The following CFAP77 variants were observed in gnomAD, a reference collection of about 807,000 sequenced individuals.
The protein encoded by CFAP77 is cilia and flagella associated protein 77, also known as cilia- and flagella-associated protein 77.
Under a neutral mutation model 31.1 loss-of-function variants are expected in CFAP77, and 25 were observed. That is an observed-to-expected ratio of 0.80 (90% CI 0.59 to 1.12). The LOEUF is 1.12. CFAP77 is among the 50% of genes most tolerant of loss of function. CFAP77 has a pLI of 0.00. For synonymous variants in CFAP77, 151 were observed against 159.9 expected, an observed-to-expected ratio of 0.94 and a Z score of 0.42; for missense variants, 377 against 397.3, an observed-to-expected ratio of 0.95 and a Z score of 0.44.
chr9:132,447,589 C>T (rs991217690), intron 1 of CFAP77, among the ~76,000 whole-genome samples: 4 of 152,208 alleles, frequency 2.6e-5, no homozygotes, highest in African/African-American at 9.7e-5. Flanking sequence ...GGAGTGGCTG[C>T]GGTCGGTCCG....
At chr9:132,416,558 G>A (rs545299992) in intron 1 of CFAP77, among the ~76,000 whole-genome samples, 12 of 151,540 alleles carry the variant, frequency 7.9e-5, no homozygotes, top group Admixed American at 5.9e-4. Flanking sequence ...GGTCAGGCTG[G>A]TCTCGAACTC....
At chr9:132,462,778 C>T (rs1851074965) in intron 1 of CFAP77, among the ~76,000 whole-genome samples, 1 of 151,814 alleles carries the variant, frequency 6.6e-6, no homozygotes, top group Non-Finnish European at 1.5e-5. Context: ...GTCGTGCCAC[C>T]GCACTCCAGC....
intron 1 of CFAP77, among the ~76,000 whole-genome samples, chr9:132,422,611 G>A (rs1274570982): frequency 6.6e-6 from 1 of 152,234 alleles, no homozygotes; most frequent in Non-Finnish European, 1.5e-5. Context: ...GAGCTTTGGG[G>A]AAAGAGGGCC....
chr9:132,568,595 G>A (rs1213333480), intron 5 of CFAP77, among the ~76,000 whole-genome samples: 2 of 150,646 alleles, frequency 1.3e-5, no homozygotes, highest in African/African-American at 4.9e-5. Context: ...ATACTATACT[G>A]TGCACTTGAA....
At chr9:132,505,686 T>C (rs1851919678) in intron 3 of CFAP77, among the ~76,000 whole-genome samples, 1 of 152,138 alleles carries the variant, frequency 6.6e-6, no homozygotes, top group African/African-American at 2.4e-5. Context: ...AACAGAAGCC[T>C]GGGCAAGTGG....
At chr9:132,492,397 G>A (rs1168545272) in intron 1 of CFAP77, among the ~76,000 whole-genome samples, 1 of 152,108 alleles carries the variant, frequency 6.6e-6, no homozygotes, top group African/African-American at 2.4e-5. Flanking sequence ...CGTTGTGTGG[G>A]GCGGAGAAGG....
rs1049938190 is a variant in CFAP77, at chr9:132,565,408, T to C, written c.733-6980T>C. Among the ~76,000 whole-genome samples the C allele has an allele frequency of 2.0e-5, 3 of 152,008 alleles. No homozygotes were observed. The highest frequency in any genetic ancestry group is 4.4e-5 in the Non-Finnish European group (3 of 68,002). On this transcript the variant is annotated intron_variant, in intron 5 of 5. Coordinates refer to ENST00000393216, the MANE Select transcript of CFAP77 (RefSeq NM_001282957.2). The surrounding 1 kb of genome is among the most constrained non-coding windows in gnomAD (Gnocchi z 4.1). ...ACTTTGGGAGGCCGAGGTGAGTGGA[T>C]CACCTGAGGTCAGGAGTTCCAGAGC...
chr9:132,530,494 C>T (rs1272000495), intron 3 of CFAP77, among the ~76,000 whole-genome samples: 3 of 152,072 alleles, frequency 2.0e-5, no homozygotes, highest in Admixed American at 6.6e-5. Flanking sequence ...AGGCTGGTCT[C>T]GAACTCCTGA....
intron 1 of CFAP77, among the ~76,000 whole-genome samples, chr9:132,493,381 C>A (rs1201884131): frequency 6.6e-6 from 1 of 152,076 alleles, no homozygotes; most frequent in African/African-American, 2.4e-5. Context: ...CCAGAGAATG[C>A]ATTTGGAAAA....
chr9:132,467,660 G>A (rs1207919767), intron 1 of CFAP77, among the ~76,000 whole-genome samples: 1 of 152,114 alleles, frequency 6.6e-6, no homozygotes, highest in Admixed American at 6.5e-5. Flanking sequence ...TGAACATGAG[G>A]ATGAACATAT....
At chr9:132,429,858 A>G (rs1019068312) in intron 1 of CFAP77, among the ~76,000 whole-genome samples, 18 of 152,214 alleles carry the variant, frequency 1.2e-4, no homozygotes, top group African/African-American at 4.3e-4. Context: ...CTCAAAAAAA[A>G]TAAAACTCTG....
intron 1 of CFAP77, among the ~76,000 whole-genome samples, chr9:132,416,329 A>ATTTTTTTT (rs71503303): frequency 3.3e-5 from 2 of 60,274 alleles, no homozygotes; most frequent in Non-Finnish European, 6.3e-5. Flanking sequence ...TTCTTATCTG[A>ATTTTTTTT]TTTTTTTTTT....
chr9:132,506,484 T>C (rs1423240805), intron 3 of CFAP77, among the ~76,000 whole-genome samples: 1 of 151,932 alleles, frequency 6.6e-6, no homozygotes, highest in South Asian at 2.1e-4. Flanking sequence ...CGGCAGCAGC[T>C]GGCGCTCCTG....
In CFAP77 at chr9:132,554,900, C is replaced by A. The variant is rs1852873804; in HGVS notation, c.732+11853C>A. 6.7e-6 allele frequency among the ~76,000 whole-genome samples: 1 copy of A among 148,670 alleles called. No individual in the cohort carries two copies. On this transcript the variant is annotated intron_variant, in intron 5 of 5. Coordinates refer to ENST00000393216, the MANE Select transcript of CFAP77 (RefSeq NM_001282957.2). This position sits in a 1 kb window ranked among gnomAD's most constrained non-coding sequence, Gnocchi z 4.1. ...TTCATCTATCCAACCATCTATCTAT[C>A]CATCCATCTATGCATGCATGCATGC...
intron 3 of CFAP77, among the ~76,000 whole-genome samples, chr9:132,524,316 C>T (rs1001094813): frequency 2.0e-5 from 3 of 150,606 alleles, no homozygotes; most frequent in African/African-American, 4.9e-5. Context: ...TAAAAGTACC[C>T]GGGGTCAGGC....
intron 3 of CFAP77, among the ~76,000 whole-genome samples, chr9:132,536,317 G>A (rs186115177): frequency 6.6e-6 from 1 of 152,002 alleles, no homozygotes; most frequent in African/African-American, 2.4e-5. Flanking sequence ...CATAGCAGGT[G>A]GCTTCCTGGG....
chr9:132,537,496 C>T (rs1564244836), intron 3 of CFAP77, 105 bp from the exon 4 acceptor site: 3 of 742,744 alleles, frequency 4.0e-6, no homozygotes, highest in South Asian at 1.9e-5. Flanking sequence ...AGTGATGTAC[C>T]CCACAGCCCC....
chr9:132,444,932 C>T (rs1404194511), intron 1 of CFAP77, among the ~76,000 whole-genome samples: 1 of 151,884 alleles, frequency 6.6e-6, no homozygotes, highest in East Asian at 1.9e-4. Context: ...CCTCATTCCC[C>T]CTCCACCAGC....
intron 3 of CFAP77, among the ~76,000 whole-genome samples, chr9:132,502,510 C>T (rs1201041283): frequency 2.0e-5 from 3 of 152,272 alleles, no homozygotes; most frequent in African/African-American, 4.8e-5. Flanking sequence ...CCCTGGCACC[C>T]ACCATTCTAC....
Sources: allele counts gnomAD v4.1 joint callset (sites outside exome capture counted in the v4.1 genomes callset), GRCh38; gene constraint gnomAD v4.1.1; non-coding constraint Gnocchi (gnomAD v3.1); transcripts MANE v1.5; gene names NCBI Gene and HGNC (gene_info 2026-07-23, HGNC 2026-07-21).